SERPINA5: variants seen among roughly 807,000 people sequenced by gnomAD.
SERPINA5 encodes the protein plasma serine protease inhibitor.
Under a neutral mutation model 25.3 loss-of-function variants are expected in SERPINA5, and 25 were observed. That is an observed-to-expected ratio of 0.99 (90% CI 0.72 to 1.38). The LOEUF is 1.38. SERPINA5 is among the 40% of genes most tolerant of loss of function. The pLI is 0.00. For missense variants in SERPINA5, 599 were observed against 509.5 expected, an observed-to-expected ratio of 1.18 and a Z score of -1.69; for synonymous variants, 234 against 206.2, an observed-to-expected ratio of 1.14 and a Z score of -1.16.
intron 2 of SERPINA5, chr14:94,587,117 G>A (rs1000315694): frequency 1.2e-5 from 6 of 482,944 alleles, no homozygotes; most frequent in African/African-American, 1.2e-4. Flanking sequence ...CCCCTGCCTT[G>A]GGTCTGCACC....
chr14:94,592,895 A>AGTG lies in SERPINA5; in HGVS notation c.*657_*659dup, dbSNP rs1265431922. On this transcript the variant is annotated 3_prime_UTR_variant, in exon 6 of 6. Transcript: ENST00000329597. ...TTCGTGGTTGATTTCAATACACTCA[A>AGTG]GTGCCATTCATCCTTTAAGAAAAAC... The AGTG allele has an allele frequency of 6.6e-6, 1 of 152,234 alleles. No individual in the cohort carries two copies. Among genetic ancestry groups the AGTG allele is most frequent in the Non-Finnish European group, 1.5e-5 (1 of 68,056 alleles). The allele number at this position is 152,234 out of a possible 1,614,324, so 9.4% of individuals were successfully genotyped here. A position where few individuals can be genotyped will look rare whatever the true frequency, so the allele number is the denominator to read the frequency against.
intron 2 of SERPINA5, among the ~76,000 whole-genome samples, chr14:94,585,650 G>C (rs1370040950): frequency 6.6e-6 from 1 of 152,190 alleles, no homozygotes; most frequent in Non-Finnish European, 1.5e-5. Context: ...CATGGAGAGA[G>C]CCCAGCAGAA....
Position 94,587,919 on chromosome 14 carries a change from A to T in SERPINA5, c.557A>T (p.Asp186Val), listed in dbSNP as rs750108912. 63 of 1,614,102 alleles carry T rather than the reference A, an allele frequency of 3.9e-5. No individual in the cohort carries two copies. The highest frequency in any genetic ancestry group is 3.3e-4 in the Middle Eastern group (2 of 6,084). The change falls in exon 3 of 6, where the codon GAC becomes GTC. Residue 186 changes from aspartate (D) to valine (V), a missense_variant. Transcript: ENST00000329597. ...AAGCAAACGAAGGGCAAGATTGTGG[A>T]CTTGCTTAAGAACCTCGATAGCAAT... ...VAKQTKGKIV[D>V]LLKNLDSNAV...
chr14:94,588,600 G>A (rs777967593), intron 3 of SERPINA5, among the ~76,000 whole-genome samples: 8 of 152,190 alleles, frequency 5.3e-5, no homozygotes, highest in Non-Finnish European at 1.2e-4. Context: ...GAGAGGAGAG[G>A]GTGGGAAGGG....
At chr14:94,586,592 T>C (rs1436604906) in intron 2 of SERPINA5, among the ~76,000 whole-genome samples, 1 of 152,214 alleles carries the variant, frequency 6.6e-6, no homozygotes, top group Non-Finnish European at 1.5e-5. Flanking sequence ...CCAGATATAG[T>C]CACATTCTGG....
chr14:94,590,718 C>G (rs1197395122), intron 4 of SERPINA5, 31 bp from the exon 5 acceptor site: 3 of 1,605,616 alleles, frequency 1.9e-6, no homozygotes, highest in Admixed American at 1.7e-5. Flanking sequence ...TGCCCCAGAA[C>G]AGTCTAAGAA....
Position 94,587,774 on chromosome 14 carries a change from G to T in SERPINA5, c.412G>T (p.Val138Leu). The T allele has an allele frequency of 6.2e-7, 1 of 1,614,188 alleles. No homozygotes were observed. The change falls in exon 3 of 6, where the codon GTG becomes TTG. Residue 138 changes from valine to leucine, a missense_variant. Physicochemically the swap from Val to Leu is conservative, Grantham distance 32 (BLOSUM62 1). Transcript: ENST00000329597. Reference sequence around the variant, plus strand: ...CGGCAATGCCCTTTTCACCGACCTGGTGGTAGACCTGCAGGACACCTTCGT... The same window carrying T: ...CGGCAATGCCCTTTTCACCGACCTGTTGGTAGACCTGCAGGACACCTTCGT... Reference protein sequence around the residue: ...SLGNALFTDLVVDLQDTFVSA... With the variant: ...SLGNALFTDLLVDLQDTFVSA...
chr14:94,590,154 C>T lies in SERPINA5; in HGVS notation c.733C>T (p.Leu245Phe). Residue 245 changes from leucine (L) to phenylalanine (F), a missense_variant, in exon 4 of 6, where the codon CTC becomes TTC. Leu to Phe is a conservative substitution (Grantham distance 22, BLOSUM62 0). Transcript: ENST00000329597. ...MMSREDQYHY[L>F]LDRNLSCRVV... ...GAGCCGCGAGGATCAGTATCACTACCTCCTGGACCGGAACCTCTCCTGCAG... is the reference window on the plus strand; with the variant it reads ...GAGCCGCGAGGATCAGTATCACTACTTCCTGGACCGGAACCTCTCCTGCAG... 3 of 1,614,200 alleles carry T rather than the reference C, an allele frequency of 1.9e-6. No individual in the cohort carries two copies. Among genetic ancestry groups the T allele is most frequent in the Non-Finnish European group, 2.5e-6 (3 of 1,180,030 alleles).
At chr14:94,582,011 T>C (rs1311698575) in intron 2 of SERPINA5, 2 of 152,178 alleles carry the variant, frequency 1.3e-5, no homozygotes, top group Non-Finnish European at 2.9e-5. Flanking sequence ...AAGTGGCAGC[T>C]TCTGTTGTTT....
At position 94,587,872 on chromosome 14, in the gene SERPINA5, G is replaced by A. The variant is rs748546139; in HGVS notation, c.510G>A (p.Lys170=). 4 of 1,614,250 alleles carry A rather than the reference G, an allele frequency of 2.5e-6. No individual in the cohort carries two copies. In the East Asian group the frequency reaches 6.7e-5, roughly 27 times the overall value. Residue 170 remains lysine (K), a synonymous_variant, in exon 3 of 6, where the codon AAG becomes AAA. Coordinates refer to ENST00000329597, the MANE Select transcript of SERPINA5 (RefSeq NM_000624.6). The stretch of plus-strand genomic sequence containing the variant: ...TTAGGGACTCTGCAGGGGCCATGAA[G>A]CAGATCAATGATTATGTGGCAAAGC... ...TNFRDSAGAM[K]QINDYVAKQT...
intron 4 of SERPINA5, 51 bp downstream of exon 4, chr14:94,590,362 GAC>G: frequency 1.3e-6 from 2 of 1,530,940 alleles, no homozygotes; most frequent in Non-Finnish European, 1.8e-6. Context: ...GCCCCAGGGA[GAC>G]ACACACGCCC....
intron 2 of SERPINA5, chr14:94,586,923 T>G (rs1454426520): frequency 1.8e-5 from 3 of 164,334 alleles, no homozygotes; most frequent in African/African-American, 7.2e-5. Flanking sequence ...CCCTGCCATG[T>G]GCCAAACCAG....
rs374288462 is a variant in SERPINA5, at chr14:94,587,536, C to A, written c.174C>A (p.Ser58=). The A allele has an allele frequency of 1.3e-5, 21 of 1,613,768 alleles. No individual in the cohort carries two copies. Among genetic ancestry groups the A allele is most frequent in the Non-Finnish European group, 1.7e-5 (20 of 1,179,716 alleles). Residue 58 remains serine, a synonymous_variant, in exon 3 of 6, where the codon TCC becomes TCA. Transcript: ENST00000329597. The part of the protein sequence containing the change: ...FTFDLYRALA[S]AAPSQSIFFS... ...TTGACCTCTACAGGGCCTTGGCTTC[C>A]GCTGCCCCCAGCCAGAGCATCTTCT...
intron 3 of SERPINA5, 136 bp from the exon 4 acceptor site, chr14:94,589,905 C>T (rs1199428681): frequency 1.2e-5 from 9 of 776,940 alleles, no homozygotes; most frequent in African/African-American, 1.8e-5. Context: ...AGAGGTTCAA[C>T]AGTCACTGCT....
rs1215646187 is a variant in SERPINA5, at chr14:94,590,197, A to G, written c.776A>G (p.Tyr259Cys). The change falls in exon 4 of 6, where the codon TAC (tyrosine) becomes TGC (cysteine). Residue 259 changes from tyrosine (Y) to cysteine (C), a missense_variant. Coordinates refer to ENST00000329597, the MANE Select transcript of SERPINA5 (RefSeq NM_000624.6). The part of the protein sequence containing the change: ...NLSCRVVGVP[Y>C]QGNATALFIL... ...TCCTGCAGGGTGGTGGGGGTCCCCT[A>G]CCAAGGCAATGCCACGGCTTTGTTC... is the stretch of plus-strand genomic sequence containing the variant. 6.2e-7 allele frequency: 1 copy of G among 1,613,978 alleles called. No individual in the cohort carries two copies. The highest frequency in any genetic ancestry group is 1.3e-5 in the African/African-American group (1 of 74,908).
Position 94,587,347 on chromosome 14 carries a change from A to T in SERPINA5, c.-16A>T. Reference sequence around the variant, plus strand: ...GAGGACACCTTCTTTCCCTTTCAGAACAAAGAACAGCCACCATGCAGCTCT... The same window carrying T: ...GAGGACACCTTCTTTCCCTTTCAGATCAAAGAACAGCCACCATGCAGCTCT... On this transcript the variant is annotated splice_region_variant and 5_prime_UTR_variant, in exon 3 of 6. Coordinates refer to ENST00000329597, the MANE Select transcript of SERPINA5 (RefSeq NM_000624.6). The T allele has an allele frequency of 1.3e-6, 2 of 1,584,932 alleles. No homozygotes were observed. Among genetic ancestry groups the T allele is most frequent in the Non-Finnish European group, 1.7e-6 (2 of 1,168,418 alleles).
chr14:94,582,946 C>T (rs1420958042), intron 2 of SERPINA5, among the ~76,000 whole-genome samples: 2 of 152,084 alleles, frequency 1.3e-5, no homozygotes, highest in Non-Finnish European at 2.9e-5. Flanking sequence ...AGAAGTTGGC[C>T]TCAGTGAGAA....
At chr14:94,585,694 GC>G (rs1299001404) in intron 2 of SERPINA5, among the ~76,000 whole-genome samples, 1 of 152,096 alleles carries the variant, frequency 6.6e-6, no homozygotes, top group Non-Finnish European at 1.5e-5. Context: ...ACAGGGCAAA[GC>G]TCACATCAGA....
chr14:94,592,399 C>T lies in SERPINA5; in HGVS notation c.*160C>T, dbSNP rs1186444475. On this transcript the variant is annotated 3_prime_UTR_variant, in exon 6 of 6. Coordinates refer to ENST00000329597, the MANE Select transcript of SERPINA5 (RefSeq NM_000624.6). Reference sequence around the variant, plus strand: ...TCTATGATGATTGCTTCCACCCACACGACTGCAACATACAGGTGCCTTGGG... The same window carrying T: ...TCTATGATGATTGCTTCCACCCACATGACTGCAACATACAGGTGCCTTGGG... 3.1e-5 allele frequency: 21 copies of T among 686,740 alleles called. No homozygotes were observed. Among genetic ancestry groups the T allele is most frequent in the African/African-American group, 7.1e-5 (4 of 56,096 alleles). The allele number at this position is 686,740 out of a possible 1,614,324, so 42.5% of individuals were successfully genotyped here.
Sources: allele counts gnomAD v4.1 joint callset (sites outside exome capture counted in the v4.1 genomes callset), GRCh38; gene constraint gnomAD v4.1.1; transcripts MANE v1.5; gene names NCBI Gene and HGNC (gene_info 2026-07-23, HGNC 2026-07-21).